TRDN: variants seen among roughly 807,000 people sequenced by gnomAD.
The protein encoded by TRDN is triadin.
In TRDN, 161 loss-of-function variants were observed where a neutral mutation model predicts 149.7. That is an observed-to-expected ratio of 1.08 (90% CI 0.95 to 1.23). TRDN has a LOEUF of 1.23. Among genes scored for constraint, TRDN ranks in the 50% most tolerant of loss-of-function variants. TRDN has a pLI of 0.00. For synonymous variants in TRDN, 294 were observed against 250.5 expected (o/e 1.17, Z -1.64); for missense variants, 896 against 823.5 (o/e 1.09, Z -1.08).
At chr6:123,536,687 CAATAAATAAATAAATA>C (rs143950900) in intron 4 of TRDN, among the ~76,000 whole-genome samples, 15 of 129,896 alleles carry the variant, frequency 1.2e-4, no homozygotes, top group African/African-American at 2.9e-4. Flanking sequence ...TCCATCTCTA[CAATAAATAAATAAATA>C]AATAAATAAA....
intron 9 of TRDN, among the ~76,000 whole-genome samples, chr6:123,487,322 C>T (rs1036995482): frequency 6.6e-6 from 1 of 152,034 alleles, no homozygotes; most frequent in Non-Finnish European, 1.5e-5. Context: ...TAAGTATCCA[C>T]CACATATGTG....
At chr6:123,503,168 A>G (rs1778770747) in intron 8 of TRDN, 1 of 985,072 alleles carries the variant, frequency 1.0e-6, no homozygotes, top group Admixed American at 6.2e-5. Context: ...AAACTGAAAA[A>G]GAAACTTGAG....
At chr6:123,508,065 A>C (rs929058834) in intron 7 of TRDN, among the ~76,000 whole-genome samples, 10 of 152,176 alleles carry the variant, frequency 6.6e-5, no homozygotes, top group African/African-American at 2.4e-4. Context: ...ACTGAGCAAA[A>C]TAACTTTGAA....
chr6:123,287,469 A>G (rs1189210561), intron 24 of TRDN, among the ~76,000 whole-genome samples: 1 of 152,088 alleles, frequency 6.6e-6, no homozygotes, highest in East Asian at 1.9e-4. Flanking sequence ...AAATTTGAGA[A>G]CCACTGTTTG....
chr6:123,285,501 T>G (rs1055295562), intron 24 of TRDN, among the ~76,000 whole-genome samples: 1 of 152,138 alleles, frequency 6.6e-6, no homozygotes, highest in African/African-American at 2.4e-5. Context: ...AGAATGAAAC[T>G]GGATCCTCAT....
intron 21 of TRDN, among the ~76,000 whole-genome samples, chr6:123,346,733 G>T (rs939316718): frequency 2.2e-4 from 33 of 151,940 alleles, no homozygotes; most frequent in Admixed American, 2.1e-3. Flanking sequence ...ATAGATATTT[G>T]TTGAGTGTCT....
At chr6:123,612,588 T>C (rs1024912020) in intron 1 of TRDN, among the ~76,000 whole-genome samples, 5 of 152,084 alleles carry the variant, frequency 3.3e-5, no homozygotes, top group African/African-American at 1.2e-4. Context: ...GTGCAGTGGC[T>C]GTTCACATGC....
At chr6:123,273,191 C>T (rs1777261352) in intron 28 of TRDN, 146 bp downstream of exon 28, 2 of 776,724 alleles carry the variant, frequency 2.6e-6, no homozygotes, top group African/African-American at 1.9e-5. Context: ...TTCTTATTTA[C>T]AAAATTTTTG....
chr6:123,617,229 G>A (rs980379404), intron 1 of TRDN, among the ~76,000 whole-genome samples: 2 of 152,096 alleles, frequency 1.3e-5, no homozygotes, highest in African/African-American at 2.4e-5. Flanking sequence ...AGGGCAAGGT[G>A]TCCTGGTCGA....
At chr6:123,457,311 C>G (rs1776184054) in intron 10 of TRDN, among the ~76,000 whole-genome samples, 1 of 152,186 alleles carries the variant, frequency 6.6e-6, no homozygotes, top group African/African-American at 2.4e-5. Context: ...TCAAGACAGA[C>G]AGATGCCCCT....
intron 7 of TRDN, among the ~76,000 whole-genome samples, chr6:123,505,500 G>A (rs1778884855): frequency 6.6e-6 from 1 of 152,066 alleles, no homozygotes; most frequent in South Asian, 2.1e-4. Context: ...ACAGGAAGAT[G>A]TTGATACTGT....
chr6:123,416,714 T>TTTTTA (rs1773665236), intron 12 of TRDN, among the ~76,000 whole-genome samples: 1 of 151,894 alleles, frequency 6.6e-6, no homozygotes, highest in Non-Finnish European at 1.5e-5. Context: ...TTCTTTTTTT[T>TTTTTA]TAGTTGACAG....
intron 7 of TRDN, among the ~76,000 whole-genome samples, chr6:123,505,096 T>C (rs1225932220): frequency 1.3e-5 from 2 of 151,196 alleles, no homozygotes; most frequent in Non-Finnish European, 2.9e-5. Context: ...ATGCAAAAAT[T>C]AGCTGGGCGT....
At chr6:123,533,185 A>T (rs550834305) in intron 4 of TRDN, among the ~76,000 whole-genome samples, 1 of 152,280 alleles carries the variant, frequency 6.6e-6, no homozygotes, top group Admixed American at 6.5e-5. Flanking sequence ...ATTGCATGGA[A>T]TGCTACATTC....
intron 5 of TRDN, among the ~76,000 whole-genome samples, chr6:123,528,271 A>ATTT (rs11286718): frequency 8.7e-4 from 130 of 149,378 alleles, no homozygotes; most frequent in East Asian, 8.7e-3. Flanking sequence ...ATTCTGTGTG[A>ATTT]TTTTTTTTTT....
At chr6:123,272,082 T>G (rs2114614077) in intron 29 of TRDN, among the ~76,000 whole-genome samples, 1 of 152,092 alleles carries the variant, frequency 6.6e-6, no homozygotes, top group East Asian at 1.9e-4. Flanking sequence ...TATTCCTATA[T>G]TTTCTGTTGT....
intron 1 of TRDN, among the ~76,000 whole-genome samples, chr6:123,607,965 A>G (rs1784597406): frequency 6.6e-6 from 1 of 151,646 alleles, no homozygotes; most frequent in Non-Finnish European, 1.5e-5. Flanking sequence ...CCTGGATTAT[A>G]GGCATGAGCC....
chr6:123,448,817 T>C (rs1262481343), intron 10 of TRDN, among the ~76,000 whole-genome samples: 1 of 152,020 alleles, frequency 6.6e-6, no homozygotes, highest in Non-Finnish European at 1.5e-5. Context: ...ACAGAGTCCA[T>C]TGCACTCCCC....
At chr6:123,370,991 T>C (rs1222321313) in intron 19 of TRDN, among the ~76,000 whole-genome samples, 1 of 151,752 alleles carries the variant, frequency 6.6e-6, no homozygotes, top group East Asian at 1.9e-4. Flanking sequence ...ATTACAAGTA[T>C]TTTTACAAGT....
Sources: allele counts gnomAD v4.1 joint callset (sites outside exome capture counted in the v4.1 genomes callset), GRCh38; gene constraint gnomAD v4.1.1; transcripts MANE v1.5; gene names NCBI Gene and HGNC (gene_info 2026-07-23, HGNC 2026-07-21).